The following RELN variants were observed in gnomAD, a reference collection of about 807,000 sequenced individuals.
The protein encoded by RELN is reelin.
In RELN, 108 loss-of-function variants were observed where a neutral mutation model predicts 427.6. That is an observed-to-expected ratio of 0.25 (90% CI 0.22 to 0.30). RELN has a LOEUF of 0.30. Ranked by LOEUF, RELN falls within the 10% of genes least tolerant of loss-of-function variation. The pLI, the probability that RELN is intolerant of heterozygous loss-of-function variation, is 1.00. For missense variants in RELN, 3,715 were observed against 4,302.8 expected (o/e 0.86, Z 3.82); for synonymous variants, 1,524 against 1,513.4 (o/e 1.01, Z -0.16).
At chr7:103,561,745 C>T (rs375513424) in intron 35 of RELN, 36 bp from the exon 36 acceptor site, 18 of 1,613,490 alleles carry the variant, frequency 1.1e-5, no homozygotes, top group Non-Finnish European at 1.4e-5. Flanking sequence ...AGACATTTGT[C>T]ACACGTTCAA....
chr7:103,576,060 G>A (rs892870809), intron 28 of RELN, among the ~76,000 whole-genome samples: 4 of 152,084 alleles, frequency 2.6e-5, no homozygotes, highest in African/African-American at 9.7e-5. Context: ...GTGAAACCCT[G>A]TCTCTACTAA....
chr7:103,967,074 A>T (rs542141946), intron 1 of RELN, among the ~76,000 whole-genome samples: 1 of 152,290 alleles, frequency 6.6e-6, no homozygotes, highest in Admixed American at 6.5e-5. Flanking sequence ...TTGAGCATTT[A>T]CTATATTCCC....
At chr7:103,500,107 T>G (rs1193356836) in intron 53 of RELN, among the ~76,000 whole-genome samples, 5 of 152,218 alleles carry the variant, frequency 3.3e-5, no homozygotes, top group Non-Finnish European at 7.4e-5. Flanking sequence ...CCTAGTCATT[T>G]TTCTGTTATT....
chr7:103,865,259 T>C (rs1375774899), intron 2 of RELN, among the ~76,000 whole-genome samples: 2 of 150,702 alleles, frequency 1.3e-5, no homozygotes, highest in Non-Finnish European at 3.0e-5. Flanking sequence ...GAGCCAGTAA[T>C]TAAAAAATTT....
rs542111500 is a variant in RELN at position 103,578,877 on chromosome 7, A to C, written c.4146-3172T>G. 8.5e-5 allele frequency among the ~76,000 whole-genome samples: 13 copies of C among 152,372 alleles called. 1 individual carries two copies. The South Asian group carries it at 2.7e-3, about 32-fold the overall frequency. ...TAACCTTGCCTTTTCAAGGAGACACAGTAGAATGTGGAACAATGATTTCTT... is the reference window on the plus strand; with the variant it reads ...TAACCTTGCCTTTTCAAGGAGACACCGTAGAATGTGGAACAATGATTTCTT... On this transcript the variant is annotated intron_variant, in intron 28 of 64. Coordinates refer to ENST00000428762, the MANE Select transcript of RELN (RefSeq NM_005045.4).
chr7:103,669,326 C>A (rs1195870900), intron 11 of RELN, among the ~76,000 whole-genome samples: 1 of 152,180 alleles, frequency 6.6e-6, no homozygotes, highest in Non-Finnish European at 1.5e-5. Context: ...AGTCCTGTTG[C>A]TTTGAATAAC....
chr7:103,876,518 A>G (rs999571304), intron 2 of RELN, among the ~76,000 whole-genome samples: 1 of 152,158 alleles, frequency 6.6e-6, no homozygotes, highest in African/African-American at 2.4e-5. Flanking sequence ...TATTACTAAC[A>G]TTAAGCTTTT....
intron 11 of RELN, among the ~76,000 whole-genome samples, chr7:103,675,794 T>A (rs1833506069): frequency 6.6e-6 from 1 of 152,180 alleles, no homozygotes. Context: ...GGGAAAAGAT[T>A]CCCTATTTAA....
intron 8 of RELN, among the ~76,000 whole-genome samples, chr7:103,715,737 C>A (rs1789921133): frequency 6.6e-6 from 1 of 152,222 alleles, no homozygotes. Context: ...GGGATCCATT[C>A]TCTCCCAATT....
At position 103,773,626 on chromosome 7, in the gene RELN, C is replaced by T. The variant is rs1357241664; in HGVS notation, c.544+2931G>A. ...CTGGGATTACAAGCCCGCACCACCA[C>T]GCCCAGCTAATTTTTGTATTTTTGG... On this transcript the variant is annotated intron_variant, in intron 4 of 64. Coordinates refer to ENST00000428762, the MANE Select transcript of RELN (RefSeq NM_005045.4). Among the ~76,000 whole-genome samples the T allele has an allele frequency of 5.3e-5, 8 of 152,032 alleles. No homozygotes were observed. In the East Asian group the frequency reaches 5.9e-4, roughly 11 times the overall value.
intron 8 of RELN, among the ~76,000 whole-genome samples, chr7:103,720,249 AATTT>A (rs1409004495): frequency 6.6e-6 from 1 of 151,484 alleles, no homozygotes; most frequent in Admixed American, 6.6e-5. Context: ...TGGCATATGG[AATTT>A]ATTTGAGACA....
At chr7:103,707,234 G>A (rs1244498502) in intron 8 of RELN, among the ~76,000 whole-genome samples, 1 of 151,924 alleles carries the variant, frequency 6.6e-6, no homozygotes, top group Non-Finnish European at 1.5e-5. Flanking sequence ...TCCTAACTGG[G>A]CGCTCAAAAG....
intron 16 of RELN, among the ~76,000 whole-genome samples, chr7:103,650,066 T>A (rs572566671): frequency 6.8e-6 from 1 of 147,110 alleles, no homozygotes; most frequent in East Asian, 2.0e-4. Context: ...TAGCATCTAA[T>A]ACTGCTGACT....
chr7:103,539,348 A>G (rs751169226), intron 44 of RELN, 21 bp from the exon 45 acceptor site: 43 of 1,611,598 alleles, frequency 2.7e-5, no homozygotes, highest in Non-Finnish European at 3.5e-5. Flanking sequence ...TTTTTAAAAA[A>G]TCCCAAATTT....
At chr7:103,594,565 C>G in intron 25 of RELN, 73 bp from the exon 26 acceptor site, 1 of 1,461,252 alleles carries the variant, frequency 6.8e-7, no homozygotes, top group Non-Finnish European at 9.5e-7. Flanking sequence ...ATTAAAACAA[C>G]AAGGGTAACA....
In RELN at chr7:103,490,038, G is replaced by C; in HGVS notation, c.9606-139C>G. 3.2e-6 allele frequency: 3 copies of C among 943,644 alleles called. No homozygotes were observed. The South Asian group carries it at 4.2e-5, about 13-fold the overall frequency. 58.5% of individuals were successfully genotyped at this position (943,644 alleles called of 1,614,324 possible). On this transcript the variant is annotated intron_variant, in intron 59 of 64. Transcript: ENST00000428762. ...GTCTTCCTGAAGCACCCTGCTGGCA[G>C]AGGTGAGAGAACTTGTATTTCTTAG...
chr7:103,909,119 G>C (rs1047343178), intron 2 of RELN, among the ~76,000 whole-genome samples: 6 of 152,148 alleles, frequency 3.9e-5, no homozygotes, highest in Non-Finnish European at 5.9e-5. Flanking sequence ...TAATGAAATT[G>C]TGAATGGCTG....
chr7:103,520,966 T>TA (rs554934203), intron 48 of RELN, among the ~76,000 whole-genome samples: 8,445 of 113,134 alleles, frequency 0.075, 455 homozygotes, highest in East Asian at 0.21. Flanking sequence ...TATTTTTTTT[T>TA]TTTTTTTTTT....
At chr7:103,529,370 A>G (rs1210322843) in intron 46 of RELN, among the ~76,000 whole-genome samples, 1 of 151,964 alleles carries the variant, frequency 6.6e-6, no homozygotes, top group East Asian at 1.9e-4. Context: ...GGGCTAGTAG[A>G]AGGGAATAGA....
Sources: gnomAD v4.1 joint callset for allele counts (sites outside exome capture counted in the v4.1 genomes callset) on GRCh38, gnomAD v4.1.1 for gene constraint, MANE v1.5 for transcripts, NCBI Gene and HGNC (gene_info 2026-07-23, HGNC 2026-07-21) for gene names.